ZBTB20: variants seen among roughly 807,000 people sequenced by gnomAD.
The protein encoded by ZBTB20 is zinc finger and BTB domain-containing protein 20.
In ZBTB20, 9 loss-of-function variants were observed where a neutral mutation model predicts 56.9. The observed-to-expected ratio is 0.16, with a 90% CI of 0.10 to 0.28. The LOEUF (loss-of-function observed/expected upper bound fraction) is 0.28. Among genes scored for constraint, ZBTB20 ranks in the 10% least tolerant of loss-of-function variants. The pLI, the probability that ZBTB20 is intolerant of heterozygous loss-of-function variation, is 1.00. For missense variants in ZBTB20, 655 were observed against 1,003.0 expected (o/e 0.65, Z 4.69); for synonymous variants, 417 against 420.7 (o/e 0.99, Z 0.11).
At chr3:115,065,289 A>G (rs1026869531) in intron 2 of ZBTB20, among the ~76,000 whole-genome samples, 1 of 152,190 alleles carries the variant, frequency 6.6e-6, no homozygotes, top group Non-Finnish European at 1.5e-5. Flanking sequence ...CTCTCTGAGT[A>G]TATTAATTAT....
chr3:114,425,341 G>A (rs1047866784), intron 7 of ZBTB20, among the ~76,000 whole-genome samples: 9 of 152,160 alleles, frequency 5.9e-5, no homozygotes, highest in African/African-American at 2.2e-4. Flanking sequence ...AGGTGAAGGG[G>A]CACTTGAAGT....
intron 1 of ZBTB20, among the ~76,000 whole-genome samples, chr3:115,095,070 T>G: frequency 6.6e-6 from 1 of 152,076 alleles, no homozygotes; most frequent in South Asian, 2.1e-4. Context: ...TCATCATATC[T>G]CAAGACACAG....
intron 7 of ZBTB20, among the ~76,000 whole-genome samples, chr3:114,400,804 G>A (rs1371727761): frequency 6.6e-6 from 1 of 152,016 alleles, no homozygotes; most frequent in South Asian, 2.1e-4. Context: ...AGACAAAAAG[G>A]ATCCAGAATT....
intron 5 of ZBTB20, among the ~76,000 whole-genome samples, chr3:114,788,427 A>T (rs2070710221): frequency 6.6e-6 from 1 of 152,178 alleles, no homozygotes; most frequent in Admixed American, 6.6e-5. Flanking sequence ...TGACTATACT[A>T]GGTACTTACT....
intron 7 of ZBTB20, among the ~76,000 whole-genome samples, chr3:114,407,141 G>A (rs1035642832): frequency 6.6e-6 from 1 of 152,142 alleles, no homozygotes; most frequent in Non-Finnish European, 1.5e-5. Flanking sequence ...CAGACCCATC[G>A]CCTCTAAATC....
intron 2 of ZBTB20, among the ~76,000 whole-genome samples, chr3:115,006,302 T>C (rs964111358): frequency 1.3e-4 from 20 of 151,838 alleles, no homozygotes; most frequent in Middle Eastern, 3.4e-3. Flanking sequence ...TCCCCCTCCA[T>C]AGTAGGACAG....
At chr3:114,567,053 T>G (rs1043385387) in intron 6 of ZBTB20, among the ~76,000 whole-genome samples, 1 of 152,296 alleles carries the variant, frequency 6.6e-6, no homozygotes, top group Non-Finnish European at 1.5e-5. Flanking sequence ...TGTGTGTATT[T>G]TCCTGATGTG....
At chr3:114,416,935 C>A (rs2088622092) in intron 7 of ZBTB20, among the ~76,000 whole-genome samples, 1 of 151,950 alleles carries the variant, frequency 6.6e-6, no homozygotes, top group Non-Finnish European at 1.5e-5. Context: ...CATTTTAATA[C>A]CTTTGGTGAT....
intron 1 of ZBTB20, among the ~76,000 whole-genome samples, chr3:115,135,698 C>T (rs768428008): frequency 2.0e-5 from 3 of 151,974 alleles, no homozygotes; most frequent in Non-Finnish European, 4.4e-5. Context: ...TACATGTGTC[C>T]CACATGTGGT....
intron 1 of ZBTB20, among the ~76,000 whole-genome samples, chr3:115,122,377 G>A (rs752130209): frequency 1.3e-4 from 20 of 151,978 alleles, no homozygotes; most frequent in Admixed American, 2.6e-4. Context: ...GACAGCGACC[G>A]TCTAATTCTC....
At chr3:114,933,907 A>G (rs2076442280) in intron 3 of ZBTB20, among the ~76,000 whole-genome samples, 1 of 152,154 alleles carries the variant, frequency 6.6e-6, no homozygotes, top group Non-Finnish European at 1.5e-5. Flanking sequence ...TATGCTCTCT[A>G]TCCCAATGAG....
Position 114,844,924 on chromosome 3 carries a change from T to C in ZBTB20, c.-416-43750A>G, listed in dbSNP as rs531013593. Among the ~76,000 whole-genome samples, 13 of 151,062 alleles carry C rather than the reference T, an allele frequency of 8.6e-5. No homozygotes were observed. The East Asian group carries it at 1.9e-3, about 23-fold the overall frequency. On this transcript the variant is annotated intron_variant, in intron 4 of 11. Transcript: ENST00000675478. ...TTGCCCATTTAAATAATATGTTGTA[T>C]ATTATTGAGTTTTCGAAGTTCTTTG... is the stretch of plus-strand genomic sequence containing the variant.
intron 6 of ZBTB20, among the ~76,000 whole-genome samples, chr3:114,552,206 T>C (rs2050673660): frequency 6.6e-6 from 1 of 152,192 alleles, no homozygotes; most frequent in Admixed American, 6.5e-5. Context: ...AGCGAGACCT[T>C]GTCTCTAAAC....
chr3:114,597,110 T>C (rs1340703497), intron 6 of ZBTB20, among the ~76,000 whole-genome samples: 1 of 152,166 alleles, frequency 6.6e-6, no homozygotes, highest in East Asian at 1.9e-4. Flanking sequence ...GTTCTCCATA[T>C]GCATAAAAGG....
intron 4 of ZBTB20, among the ~76,000 whole-genome samples, chr3:114,834,341 T>G (rs1200842677): frequency 6.6e-6 from 1 of 152,130 alleles, no homozygotes; most frequent in Non-Finnish European, 1.5e-5. Flanking sequence ...CTTCCAACAG[T>G]GCCTATGACA....
intron 6 of ZBTB20, among the ~76,000 whole-genome samples, chr3:114,542,229 G>C (rs1170261655): frequency 2.0e-5 from 3 of 152,058 alleles, no homozygotes; most frequent in Non-Finnish European, 2.9e-5. Context: ...TTGGATATTG[G>C]GCTGCCATGC....
At chr3:114,413,112 A>C (rs2088149097) in intron 7 of ZBTB20, among the ~76,000 whole-genome samples, 1 of 152,154 alleles carries the variant, frequency 6.6e-6, no homozygotes, top group Non-Finnish European at 1.5e-5. Flanking sequence ...TCAAAAAATA[A>C]ATAAATAAAA....
At chr3:114,448,936 T>C (rs1243371859) in intron 7 of ZBTB20, among the ~76,000 whole-genome samples, 3 of 152,084 alleles carry the variant, frequency 2.0e-5, no homozygotes, top group Non-Finnish European at 4.4e-5. Flanking sequence ...TGTTTCCCTG[T>C]GGGTGTGAAT....
chr3:115,098,597 A>G (rs1022357577), intron 1 of ZBTB20, among the ~76,000 whole-genome samples: 8 of 152,232 alleles, frequency 5.3e-5, no homozygotes, highest in African/African-American at 1.9e-4. Flanking sequence ...CCAGTTTAAA[A>G]AAACTGTTCA....
Sources: allele counts gnomAD v4.1 joint callset (sites outside exome capture counted in the v4.1 genomes callset), GRCh38; gene constraint gnomAD v4.1.1; transcripts MANE v1.5; gene names NCBI Gene and HGNC (gene_info 2026-07-23, HGNC 2026-07-21).